Variants in NAV2 observed in about 807,000 individuals in gnomAD.
NAV2 encodes neuron navigator 2.
NAV2 carries 54 observed loss-of-function variants against 223.2 expected under a neutral mutation model. That is an observed-to-expected ratio of 0.24 (90% CI 0.19 to 0.30). The LOEUF is 0.30. NAV2 is among the 10% of genes least tolerant of loss of function. The pLI is 1.00. For synonymous variants in NAV2, 1,279 were observed against 1,239.3 expected (o/e 1.03, Z -0.67); for missense variants, 2,806 against 3,147.5 (o/e 0.89, Z 2.60).
intron 1 of NAV2, among the ~76,000 whole-genome samples, chr11:19,364,049 GC>G (rs765564068): frequency 1.3e-5 from 2 of 152,102 alleles, no homozygotes; most frequent in African/African-American, 4.8e-5. Flanking sequence ...TCAATCTCCA[GC>G]CCCTCTCCCC....
At chr11:19,559,743 G>A (rs2045032247) in intron 1 of NAV2, among the ~76,000 whole-genome samples, 1 of 152,174 alleles carries the variant, frequency 6.6e-6, no homozygotes, top group Non-Finnish European at 1.5e-5. Context: ...AAACTCCCAG[G>A]AACCTTGTTA....
intron 19 of NAV2, among the ~76,000 whole-genome samples, chr11:20,061,425 C>G (rs1224342284): frequency 1.3e-5 from 2 of 152,004 alleles, no homozygotes; most frequent in Non-Finnish European, 2.9e-5. Flanking sequence ...CAAAACTAGC[C>G]AGGCATGGTG....
chr11:20,069,454 G>T (rs538480988), intron 22 of NAV2, among the ~76,000 whole-genome samples: 1 of 152,126 alleles, frequency 6.6e-6, no homozygotes, highest in African/African-American at 2.4e-5. Flanking sequence ...CTCTCAGTGC[G>T]TTTTAAGTAA....
chr11:19,873,886 G>T (rs2062688410), intron 4 of NAV2, among the ~76,000 whole-genome samples: 1 of 152,142 alleles, frequency 6.6e-6, no homozygotes, highest in Non-Finnish European at 1.5e-5. Flanking sequence ...AAGTTAAGTG[G>T]TGAATGCTGA....
chr11:19,720,314 A>G (rs1469725585), intron 1 of NAV2, among the ~76,000 whole-genome samples: 1 of 152,252 alleles, frequency 6.6e-6, no homozygotes, highest in Non-Finnish European at 1.5e-5. Context: ...TACACAAGAC[A>G]ATAGTGAGTG....
chr11:19,631,686 C>T (rs2047350758), intron 1 of NAV2, among the ~76,000 whole-genome samples: 1 of 152,180 alleles, frequency 6.6e-6, no homozygotes, highest in Non-Finnish European at 1.5e-5. Flanking sequence ...TGAAAGCAAA[C>T]CCCCGGCACT....
chr11:19,712,686 G>T (rs904984563), upstream of NAV2: 3 of 152,282 alleles, frequency 2.0e-5, no homozygotes, highest in African/African-American at 7.2e-5. Context: ...GCGGCCAAGC[G>T]CGGCCCCAGA....
chr11:19,957,074 C>T (rs1027404807), intron 10 of NAV2, among the ~76,000 whole-genome samples: 4 of 152,210 alleles, frequency 2.6e-5, no homozygotes, highest in African/African-American at 4.8e-5. Context: ...ATGCATTTCT[C>T]ATTATGTCAC....
chr11:19,544,056 G>A (rs1424551358), intron 1 of NAV2, among the ~76,000 whole-genome samples: 7 of 152,118 alleles, frequency 4.6e-5, no homozygotes, highest in Admixed American at 4.6e-4. Context: ...TAATATTATT[G>A]AGCATCTTAT....
intron 3 of NAV2, among the ~76,000 whole-genome samples, chr11:19,867,221 G>T (rs2062150849): frequency 6.6e-6 from 1 of 152,184 alleles, no homozygotes; most frequent in African/African-American, 2.4e-5. Context: ...GGTACTCCCA[G>T]CCAGTATTGT....
chr11:20,116,145 A>G (rs1391316025), intron 37 of NAV2, among the ~76,000 whole-genome samples: 2 of 152,254 alleles, frequency 1.3e-5, no homozygotes, highest in Non-Finnish European at 2.9e-5. Flanking sequence ...AAAAGAAAAC[A>G]TAACAGAGAA....
At chr11:19,356,150 T>G (rs773984155) in intron 1 of NAV2, among the ~76,000 whole-genome samples, 3 of 152,154 alleles carry the variant, frequency 2.0e-5, no homozygotes, top group Non-Finnish European at 4.4e-5. Flanking sequence ...AAGCAAGAGC[T>G]TAGGATGGAC....
At chr11:19,562,338 T>C (rs1303382639) in intron 1 of NAV2, among the ~76,000 whole-genome samples, 1 of 151,920 alleles carries the variant, frequency 6.6e-6, no homozygotes, top group Non-Finnish European at 1.5e-5. Flanking sequence ...TCTCAGAGGG[T>C]GGAAAGTCTT....
chr11:19,527,600 A>C (rs1261452926), intron 1 of NAV2, among the ~76,000 whole-genome samples: 1 of 151,750 alleles, frequency 6.6e-6, no homozygotes, highest in Non-Finnish European at 1.5e-5. Context: ...TAGCCTGGAC[A>C]TGGTAGCACC....
At chr11:19,783,668 A>G (rs1033035429) in intron 1 of NAV2, among the ~76,000 whole-genome samples, 7 of 152,128 alleles carry the variant, frequency 4.6e-5, no homozygotes, top group African/African-American at 1.7e-4. Flanking sequence ...AGCTCTGCCA[A>G]TGATCTGTGC....
upstream of NAV2, among the ~76,000 whole-genome samples, chr11:19,347,745 C>T (rs972402670): frequency 3.9e-5 from 6 of 152,180 alleles, no homozygotes; most frequent in African/African-American, 4.8e-5. Flanking sequence ...CAATCCAGCA[C>T]GCATGTTCAT....
chr11:19,654,559 A>G (rs2048063993), intron 1 of NAV2, among the ~76,000 whole-genome samples: 1 of 152,214 alleles, frequency 6.6e-6, no homozygotes, highest in South Asian at 2.1e-4. Context: ...GACCAATGGA[A>G]CAGAACAGAG....
intron 11 of NAV2, among the ~76,000 whole-genome samples, chr11:19,997,345 G>A (rs2052006687): frequency 6.6e-6 from 1 of 152,096 alleles, no homozygotes. Context: ...GAGAGAATAG[G>A]TTCATTTTTC....
At chr11:20,052,256 G>A (rs2058061523) in intron 17 of NAV2, among the ~76,000 whole-genome samples, 1 of 152,226 alleles carries the variant, frequency 6.6e-6, no homozygotes, top group African/African-American at 2.4e-5. Flanking sequence ...AAGACTGAGA[G>A]CATTTTGAAC....
Sources: gnomAD v4.1 joint callset for allele counts (sites outside exome capture counted in the v4.1 genomes callset) on GRCh38, gnomAD v4.1.1 for gene constraint, MANE v1.5 for transcripts, NCBI Gene and HGNC (gene_info 2026-07-23, HGNC 2026-07-21) for gene names.